KIAA1549L: variants seen among roughly 807,000 people sequenced by gnomAD.
KIAA1549L encodes UPF0606 protein KIAA1549L.
In KIAA1549L, 88 loss-of-function variants were observed where a neutral mutation model predicts 160.7. That is an observed-to-expected ratio of 0.55 (90% CI 0.46 to 0.65). KIAA1549L has a LOEUF of 0.65. Among genes scored for constraint, KIAA1549L ranks in the 30% least tolerant of loss-of-function variants. The pLI is 0.00. For synonymous variants in KIAA1549L, 950 were observed against 976.7 expected (o/e 0.97, Z 0.51); for missense variants, 2,258 against 2,437.5 (o/e 0.93, Z 1.55).
At chr11:33,657,294 G>A (rs1852098163) in intron 18 of KIAA1549L, among the ~76,000 whole-genome samples, 1 of 152,102 alleles carries the variant, frequency 6.6e-6, no homozygotes, top group Non-Finnish European at 1.5e-5. Flanking sequence ...CAATTTGTGG[G>A]AGGTTTGCTG....
At chr11:33,497,445 C>T (rs970706757) in intron 1 of KIAA1549L, among the ~76,000 whole-genome samples, 1 of 152,064 alleles carries the variant, frequency 6.6e-6, no homozygotes, top group Non-Finnish European at 1.5e-5. Flanking sequence ...TCTTGGGGCC[C>T]CATTTAGGTA....
intron 16 of KIAA1549L, among the ~76,000 whole-genome samples, chr11:33,623,409 G>C (rs1235612998): frequency 6.6e-6 from 1 of 152,104 alleles, no homozygotes; most frequent in Non-Finnish European, 1.5e-5. Context: ...CCTCATCTTA[G>C]CCTTTCATTT....
chr11:33,589,338 T>G (rs1849976021), intron 11 of KIAA1549L, among the ~76,000 whole-genome samples: 1 of 152,326 alleles, frequency 6.6e-6, no homozygotes, highest in East Asian at 1.9e-4. Context: ...TCAACCATTG[T>G]GGAAGTCGGT....
chr11:33,501,858 G>T (rs1049412177), intron 1 of KIAA1549L, among the ~76,000 whole-genome samples: 4 of 152,150 alleles, frequency 2.6e-5, no homozygotes, highest in African/African-American at 9.7e-5. Flanking sequence ...GCACAGGAAG[G>T]TTAGGTTCTG....
intron 1 of KIAA1549L, among the ~76,000 whole-genome samples, chr11:33,455,507 A>T (rs1851804527): frequency 6.6e-6 from 1 of 152,168 alleles, no homozygotes. Context: ...AATCATATAT[A>T]TACCTTTTGG....
intron 1 of KIAA1549L, among the ~76,000 whole-genome samples, chr11:33,418,188 CA>C (rs1307849231): frequency 3.3e-5 from 5 of 152,264 alleles, no homozygotes; most frequent in East Asian, 1.9e-4. Flanking sequence ...CCAATGAGGG[CA>C]GGGTCTTAAT....
At chr11:33,411,164 C>T (rs971962414) in intron 1 of KIAA1549L, among the ~76,000 whole-genome samples, 2 of 152,132 alleles carry the variant, frequency 1.3e-5, no homozygotes, top group Admixed American at 6.6e-5. Context: ...AGAGGTGAAA[C>T]GAGGAACACA....
chr11:33,434,904 A>G (rs1250399135), intron 1 of KIAA1549L, among the ~76,000 whole-genome samples: 5 of 152,208 alleles, frequency 3.3e-5, no homozygotes, highest in Admixed American at 1.3e-4. Flanking sequence ...TGTCTCACCA[A>G]TAAGTCCAGT....
chr11:33,461,653 T>C (rs1851945343), intron 1 of KIAA1549L, among the ~76,000 whole-genome samples: 1 of 152,226 alleles, frequency 6.6e-6, no homozygotes, highest in Non-Finnish European at 1.5e-5. Flanking sequence ...ATTAATCATC[T>C]GGTTAAAAAA....
chr11:33,448,913 C>A (rs1851668302), intron 1 of KIAA1549L, among the ~76,000 whole-genome samples: 1 of 152,124 alleles, frequency 6.6e-6, no homozygotes, highest in Non-Finnish European at 1.5e-5. Flanking sequence ...CCATCGTTTC[C>A]CCCTCAGTGA....
chr11:33,430,690 G>A (rs1225380965), intron 1 of KIAA1549L, among the ~76,000 whole-genome samples: 1 of 152,212 alleles, frequency 6.6e-6, no homozygotes, highest in African/African-American at 2.4e-5. Context: ...TCAGCATCCT[G>A]TAGAGTCATG....
At chr11:33,632,235 G>A (rs1170589251) in intron 16 of KIAA1549L, among the ~76,000 whole-genome samples, 3 of 152,306 alleles carry the variant, frequency 2.0e-5, no homozygotes, top group Admixed American at 6.5e-5. Context: ...TGTGTTGGCT[G>A]TATCCACAGG....
chr11:33,511,008 TC>T (rs1853215954), intron 1 of KIAA1549L, among the ~76,000 whole-genome samples: 1 of 152,220 alleles, frequency 6.6e-6, no homozygotes, highest in Admixed American at 6.5e-5. Context: ...CTACATTCTT[TC>T]CAAGTGTGCC....
rs970310411 is a variant in KIAA1549L, at chr11:33,552,357, A to G, written c.3855+116A>G. On this transcript the variant is annotated intron_variant, in intron 6 of 20. Transcript: ENST00000658780. ...CTACCATGTATAAATGTAACTTTGT[A>G]CTTCAGACATTGGTGAGGATGTCTG... is the stretch of plus-strand genomic sequence containing the variant. The G allele has an allele frequency of 2.0e-5, 23 of 1,134,620 alleles. 1 individual carries two copies. In the East Asian group the frequency reaches 5.7e-4, roughly 28 times the overall value. 70.3% of individuals were successfully genotyped at this position (1,134,620 alleles called of 1,614,324 possible).
At chr11:33,483,779 G>GTA (rs1474312672) in intron 1 of KIAA1549L, among the ~76,000 whole-genome samples, 2 of 152,186 alleles carry the variant, frequency 1.3e-5, no homozygotes, top group Non-Finnish European at 2.9e-5. Context: ...CTGTGACCAT[G>GTA]TAAGATGTGC....
intron 1 of KIAA1549L, among the ~76,000 whole-genome samples, chr11:33,486,083 T>C (rs56846923): frequency 0.019 from 2,825 of 152,284 alleles, 79 homozygotes; most frequent in African/African-American, 0.062. Flanking sequence ...GTAGTGAACA[T>C]GGAAGTGCAG....
chr11:33,572,013 A>G (rs989003702), intron 9 of KIAA1549L, among the ~76,000 whole-genome samples: 1 of 151,746 alleles, frequency 6.6e-6, no homozygotes, highest in Non-Finnish European at 1.5e-5. Flanking sequence ...AGTAATATCT[A>G]TATAGTCCCA....
chr11:33,595,227 C>G (rs946605993), intron 12 of KIAA1549L, among the ~76,000 whole-genome samples: 9 of 152,030 alleles, frequency 5.9e-5, no homozygotes, highest in Non-Finnish European at 8.8e-5. Context: ...ATATTTGCTT[C>G]ATAATTTTTT....
At chr11:33,441,725 G>A (rs1851511317) in intron 1 of KIAA1549L, among the ~76,000 whole-genome samples, 1 of 152,204 alleles carries the variant, frequency 6.6e-6, no homozygotes, top group Non-Finnish European at 1.5e-5. Context: ...CGTCTTTTGA[G>A]AAGTGTCTGT....
Sources: gnomAD v4.1 joint callset for allele counts (sites outside exome capture counted in the v4.1 genomes callset) on GRCh38, gnomAD v4.1.1 for gene constraint, MANE v1.5 for transcripts, NCBI Gene and HGNC (gene_info 2026-07-23, HGNC 2026-07-21) for gene names.